Variants in KIF13B observed in about 807,000 individuals in gnomAD.
KIF13B encodes the protein kinesin family member 13B.
KIF13B carries 127 observed loss-of-function variants against 222.0 expected under a neutral mutation model. The ratio of observed to expected loss-of-function variants is 0.57; its 90% confidence interval spans 0.50 to 0.66. The LOEUF (loss-of-function observed/expected upper bound fraction) is 0.66. Ranked by LOEUF, KIF13B falls within the 30% of genes least tolerant of loss-of-function variation. The pLI is 0.00. For missense variants in KIF13B, 2,173 were observed against 2,379.0 expected (o/e 0.91, Z 1.80); for synonymous variants, 976 against 919.0 (o/e 1.06, Z -1.12).
At chr8:29,113,993 A>G (rs1809478964) in intron 31 of KIF13B, among the ~76,000 whole-genome samples, 1 of 152,230 alleles carries the variant, frequency 6.6e-6, no homozygotes, top group Non-Finnish European at 1.5e-5. Flanking sequence ...CCGGGCATTA[A>G]ATTCTTGACC....
intron 2 of KIF13B, among the ~76,000 whole-genome samples, chr8:29,228,472 A>AAAAAAAAATATAT: frequency 1.1e-4 from 13 of 117,082 alleles, no homozygotes; most frequent in African/African-American, 3.3e-4. Context: ...ATCTTAAAAA[A>AAAAAAAAATATAT]ATATATATAT....
At chr8:29,105,420 G>T (rs986863117) in intron 35 of KIF13B, among the ~76,000 whole-genome samples, 1 of 152,100 alleles carries the variant, frequency 6.6e-6, no homozygotes, top group Non-Finnish European at 1.5e-5. Flanking sequence ...TCATCCTTCA[G>T]GGGGAGGCTT....
intron 35 of KIF13B, among the ~76,000 whole-genome samples, chr8:29,104,594 A>C (rs1808959232): frequency 6.6e-6 from 1 of 152,102 alleles, no homozygotes; most frequent in South Asian, 2.1e-4. Flanking sequence ...AAACTTTTTA[A>C]TTCACATGTG....
intron 37 of KIF13B, among the ~76,000 whole-genome samples, chr8:29,084,119 C>A (rs114387513): frequency 1.3e-5 from 2 of 152,054 alleles, no homozygotes; most frequent in Non-Finnish European, 2.9e-5. Context: ...GGTTTCACTG[C>A]GATGGCCAGG....
chr8:29,116,336 G>A (rs532470744), intron 31 of KIF13B, among the ~76,000 whole-genome samples: 1 of 152,318 alleles, frequency 6.6e-6, no homozygotes, highest in African/African-American at 2.4e-5. Flanking sequence ...GGATGTGGTG[G>A]CACACGTCTG....
At chr8:29,206,235 G>A (rs1331171048) in intron 2 of KIF13B, among the ~76,000 whole-genome samples, 1 of 152,182 alleles carries the variant, frequency 6.6e-6, no homozygotes, top group Non-Finnish European at 1.5e-5. Context: ...GACCAGCCTG[G>A]CCAACATAGT....
intron 2 of KIF13B, among the ~76,000 whole-genome samples, chr8:29,211,148 C>T (rs993178343): frequency 6.6e-6 from 1 of 152,226 alleles, no homozygotes; most frequent in African/African-American, 2.4e-5. Flanking sequence ...ACCTTCCTCT[C>T]GTCTGCACGA....
chr8:29,243,614 C>G (rs114178899), intron 2 of KIF13B, among the ~76,000 whole-genome samples: 2,651 of 151,710 alleles, frequency 0.017, 73 homozygotes, highest in African/African-American at 0.061. Context: ...CGAGATGGCA[C>G]CCCTGCACTT....
intron 2 of KIF13B, among the ~76,000 whole-genome samples, chr8:29,234,887 A>C (rs548570836): frequency 6.6e-6 from 1 of 152,272 alleles, no homozygotes; most frequent in Non-Finnish European, 1.5e-5. Context: ...CAGAAAACCC[A>C]GTGTTGCCAG....
chr8:29,250,550 A>C (rs1816238734), intron 1 of KIF13B, among the ~76,000 whole-genome samples: 1 of 152,194 alleles, frequency 6.6e-6, no homozygotes, highest in Admixed American at 6.5e-5. Context: ...ACGGCAACTT[A>C]AAAATGTCCC....
At chr8:29,153,053 A>G (rs1181022780) in intron 14 of KIF13B, among the ~76,000 whole-genome samples, 1 of 152,164 alleles carries the variant, frequency 6.6e-6, no homozygotes, top group Non-Finnish European at 1.5e-5. Flanking sequence ...TCTCCAACGT[A>G]TGCCTGTATA....
At chr8:29,144,020 T>TA (rs1409634241) in intron 18 of KIF13B, among the ~76,000 whole-genome samples, 1 of 150,194 alleles carries the variant, frequency 6.7e-6, no homozygotes, top group African/African-American at 2.4e-5. Context: ...TTAGAACTTT[T>TA]AAAAAACCAC....
chr8:29,177,643 A>G lies in KIF13B; in HGVS notation c.721-65T>C, dbSNP rs903909304. On this transcript the variant is annotated intron_variant, in intron 8 of 39. Coordinates refer to ENST00000524189, the MANE Select transcript of KIF13B (RefSeq NM_015254.4). The stretch of plus-strand genomic sequence containing the variant: ...AGGGCCAGGTGTGGTGGCTCATGCC[A>G]GTAATCCCAGCACTTTGGGAGGACA... 1.7e-5 allele frequency: 18 copies of G among 1,054,840 alleles called. 1 individual carries two copies. In the East Asian group the frequency reaches 2.1e-4, roughly 13 times the overall value. The allele number at this position is 1,054,840 out of a possible 1,614,324, so 65.3% of individuals were successfully genotyped here.
At chr8:29,093,025 G>T (rs1009560028) in intron 36 of KIF13B, 147 bp from the exon 37 acceptor site, 1 of 748,108 alleles carries the variant, frequency 1.3e-6, no homozygotes, top group Non-Finnish European at 2.1e-6. Context: ...CAGTATTATT[G>T]TAGTTTACAT....
intron 2 of KIF13B, among the ~76,000 whole-genome samples, chr8:29,229,316 G>C (rs529364077): frequency 1.3e-5 from 2 of 152,096 alleles, no homozygotes; most frequent in Non-Finnish European, 2.9e-5. Flanking sequence ...TTGGAGAGAC[G>C]AGCTTAGGCA....
intron 2 of KIF13B, among the ~76,000 whole-genome samples, chr8:29,205,504 C>A (rs1333739927): frequency 6.6e-6 from 1 of 152,150 alleles, no homozygotes; most frequent in Admixed American, 6.5e-5. Context: ...AAGGAGAACA[C>A]TTCCAAATCC....
intron 2 of KIF13B, among the ~76,000 whole-genome samples, chr8:29,228,833 C>T (rs929965758): frequency 3.3e-5 from 5 of 152,030 alleles, no homozygotes; most frequent in Non-Finnish European, 7.4e-5. Context: ...AGGCTCTCAC[C>T]TAACTCTAAA....
chr8:29,128,944 C>G (rs973655330), intron 24 of KIF13B, among the ~76,000 whole-genome samples: 1 of 152,176 alleles, frequency 6.6e-6, no homozygotes, highest in African/African-American at 2.4e-5. Flanking sequence ...AAACCAGCCT[C>G]CAGAAGCTTC....
At chr8:29,094,383 G>A (rs1390810378) in intron 36 of KIF13B, among the ~76,000 whole-genome samples, 1 of 152,198 alleles carries the variant, frequency 6.6e-6, no homozygotes, top group South Asian at 2.1e-4. Context: ...CACAATGCAT[G>A]GTCGTGAAGT....
Sources: allele counts gnomAD v4.1 joint callset (sites outside exome capture counted in the v4.1 genomes callset), GRCh38; gene constraint gnomAD v4.1.1; transcripts MANE v1.5; gene names NCBI Gene and HGNC (gene_info 2026-07-23, HGNC 2026-07-21).